OVOL1: variants seen among roughly 807,000 people sequenced by gnomAD.
OVOL1 encodes putative transcription factor Ovo-like 1.
A neutral mutation model predicts 21.5 loss-of-function variants in OVOL1; 10 were observed. The observed-to-expected ratio is 0.46, with a 90% confidence interval of 0.29 to 0.79. The LOEUF (loss-of-function observed/expected upper bound fraction) is 0.79. Ranked by LOEUF, OVOL1 falls within the 30% of genes least tolerant of loss-of-function variation. OVOL1 has a pLI of 0.10. For synonymous variants in OVOL1, 129 were observed against 150.3 expected (o/e 0.86, Z 1.03); for missense variants, 279 against 362.3 (o/e 0.77, Z 1.87).
In OVOL1 at chr11:65,795,396, T is replaced by TC; in HGVS notation, c.*58dup. ...AGCCCCAAGAGCATCCAGGATTGCCTCCCAGCTGCCTGGCCAGCCCACCCT... is the reference window on the plus strand; with the variant it reads ...AGCCCCAAGAGCATCCAGGATTGCCTCCCCAGCTGCCTGGCCAGCCCACCCT... On this transcript the variant is annotated 3_prime_UTR_variant, in exon 4 of 4. Transcript: ENST00000335987. This position sits in a 1 kb window ranked among gnomAD's most constrained non-coding sequence, Gnocchi z 5.7. 6.8e-7 allele frequency: 1 copy of TC among 1,480,592 alleles called. No homozygotes were observed. 91.7% of individuals were successfully genotyped at this position (1,480,592 alleles called of 1,614,324 possible). A position where few individuals can be genotyped will look rare whatever the true frequency, so the allele number is the denominator to read the frequency against.
chr11:65,791,434 T>C (rs757908182), intron 1 of OVOL1, among the ~76,000 whole-genome samples: 35 of 152,030 alleles, frequency 2.3e-4, no homozygotes, highest in Non-Finnish European at 4.4e-4. Flanking sequence ...CAGGAGGGGG[T>C]CATCCTTGCA....
chr11:65,792,376 G>C (rs1487695826), intron 1 of OVOL1: 1 of 152,272 alleles, frequency 6.6e-6, no homozygotes, highest in Non-Finnish European at 1.5e-5. Flanking sequence ...AGAGGTTCCT[G>C]TTTGTCTCCA....
rs1024955932 is a variant in OVOL1 at position 65,787,227 on chromosome 11, C to T, written c.-147C>T. The T allele has an allele frequency of 5.1e-6, 3 of 593,192 alleles. No homozygotes were observed. The East Asian group carries it at 1.1e-4, about 23-fold the overall frequency. 36.7% of individuals were successfully genotyped at this position (593,192 alleles called of 1,614,324 possible). ...GGAACCGCCGCGCGCCGTCCGGGCT[C>T]GGACCTTCCCCGGAACGTGGGGGCG... is the stretch of plus-strand genomic sequence containing the variant. On this transcript the variant is annotated 5_prime_UTR_variant, in exon 1 of 4. Transcript: ENST00000335987.
Position 65,795,771 on chromosome 11 carries a change from C to G in OVOL1, c.*430C>G. ...CCAGTGGACATCAGAGTCAAAAGCA[C>G]TGGCAAAGGGTACCCCTGCAAACAA... is the stretch of plus-strand genomic sequence containing the variant. On this transcript the variant is annotated 3_prime_UTR_variant, in exon 4 of 4. Coordinates refer to ENST00000335987, the MANE Select transcript of OVOL1 (RefSeq NM_004561.4). The surrounding 1 kb of genome is among the most constrained non-coding windows in gnomAD (Gnocchi z 5.7). 1 of 208,422 alleles carries G rather than the reference C, an allele frequency of 4.8e-6. No individual in the cohort carries two copies. Among genetic ancestry groups the G allele is most frequent in the South Asian group, 9.6e-5 (1 of 10,394 alleles). The allele number at this position is 208,422 out of a possible 1,614,324, so 12.9% of individuals were successfully genotyped here. A position where few individuals can be genotyped will look rare whatever the true frequency, so the allele number is the denominator to read the frequency against.
At chr11:65,787,593 A>C in intron 1 of OVOL1, 120 bp downstream of exon 1, 2 of 303,830 alleles carry the variant, frequency 6.6e-6, no homozygotes, top group Non-Finnish European at 5.0e-6. Flanking sequence ...CCGGGGCTGA[A>C]TGCGGCCGCG....
At position 65,794,077 on chromosome 11, in the gene OVOL1, C is replaced by G. The variant is rs766956836; in HGVS notation, c.147C>G (p.Pro49=). Residue 49 remains proline (P), a synonymous_variant, in exon 2 of 4, where the codon CCC becomes CCG. Coordinates refer to ENST00000335987, the MANE Select transcript of OVOL1 (RefSeq NM_004561.4). Reference sequence around the variant, plus strand: ...CACAGCCCTACCGGGAGCCGGAACCCTCTGTGGCCGAACCCCCTTCCTGCC... The same window carrying G: ...CACAGCCCTACCGGGAGCCGGAACCGTCTGTGGCCGAACCCCCTTCCTGCC... ...CPPQPYREPE[P]SVAEPPSCPL... 2 of 1,613,968 alleles carry G rather than the reference C, an allele frequency of 1.2e-6. No homozygotes were observed. The highest frequency in any genetic ancestry group is 2.7e-5 in the African/African-American group (2 of 74,946).
chr11:65,795,303 A>ACTGTCACTT lies in OVOL1; in HGVS notation c.768_776dup (p.Val257_Ser259dup), dbSNP rs765513913. On this transcript the variant is annotated inframe_insertion, in exon 4 of 4. Transcript: ENST00000335987. The surrounding 1 kb of genome is among the most constrained non-coding windows in gnomAD (Gnocchi z 5.7). The stretch of plus-strand genomic sequence containing the variant: ...GAAGGTGGCCGTGGCACTACAGAAC[A>ACTGTCACTT]CTGTCACTTCCCTGCTGCAGGGCAG... 2 of 1,611,208 alleles carry ACTGTCACTT rather than the reference A, an allele frequency of 1.2e-6. No individual in the cohort carries two copies. Among genetic ancestry groups the ACTGTCACTT allele is most frequent in the Middle Eastern group, 1.7e-4 (1 of 5,988 alleles).
intron 1 of OVOL1, among the ~76,000 whole-genome samples, chr11:65,792,606 C>G (rs1858042909): frequency 6.6e-6 from 1 of 152,208 alleles, no homozygotes; most frequent in African/African-American, 2.4e-5. Flanking sequence ...AATGCCAGCC[C>G]AGAGGCCAGG....
At position 65,795,027 on chromosome 11, in the gene OVOL1, G is replaced by T; in HGVS notation, c.509-19G>T. Reference sequence around the variant, plus strand: ...AGTCCCTGCCAGGTCTCTGATGCTGGCCCCTGTCCTCCCCACAGGCGTGCG... The same window carrying T: ...AGTCCCTGCCAGGTCTCTGATGCTGTCCCCTGTCCTCCCCACAGGCGTGCG... On this transcript the variant is annotated intron_variant, in intron 3 of 3. Coordinates refer to ENST00000335987, the MANE Select transcript of OVOL1 (RefSeq NM_004561.4). The surrounding 1 kb of genome is among the most constrained non-coding windows in gnomAD (Gnocchi z 5.7). 1 of 1,606,330 alleles carries T rather than the reference G, an allele frequency of 6.2e-7. No individual in the cohort carries two copies. Among genetic ancestry groups the T allele is most frequent in the Non-Finnish European group, 8.5e-7 (1 of 1,176,664 alleles).
intron 3 of OVOL1, 66 bp downstream of exon 3, chr11:65,794,793 G>C: frequency 6.7e-7 from 1 of 1,499,176 alleles, no homozygotes. Context: ...TGCGGGAAAA[G>C]TCCAGCACCC....
intron 3 of OVOL1, 140 bp downstream of exon 3, chr11:65,794,867 C>A: frequency 9.9e-7 from 1 of 1,014,702 alleles, no homozygotes; most frequent in Non-Finnish European, 1.5e-6. Context: ...CAAAGTCCTC[C>A]TGAGCTCATC....
At chr11:65,788,731 AC>A (rs1857952058) in intron 1 of OVOL1, 1 of 985,256 alleles carries the variant, frequency 1.0e-6, no homozygotes, top group Non-Finnish European at 1.2e-6. Context: ...TCTCAAGGGG[AC>A]CCCTCTTCCA....
At chr11:65,794,846 G>A in intron 3 of OVOL1, 119 bp downstream of exon 3, 1 of 1,127,396 alleles carries the variant, frequency 8.9e-7, no homozygotes, top group South Asian at 1.4e-5. Flanking sequence ...GGGCATCCCG[G>A]AGCTCAGGGC....
chr11:65,788,071 G>A (rs1857939320), intron 1 of OVOL1, among the ~76,000 whole-genome samples: 1 of 152,202 alleles, frequency 6.6e-6, no homozygotes, highest in Non-Finnish European at 1.5e-5. Context: ...GCAGTGAGCC[G>A]AGACGGTGGG....
intron 1 of OVOL1, chr11:65,789,356 G>C (rs1857963462): frequency 1.3e-5 from 2 of 153,408 alleles, no homozygotes; most frequent in Non-Finnish European, 2.9e-5. Flanking sequence ...TTCTCTGTAG[G>C]CTCCTCCAGG....
In OVOL1 at chr11:65,794,148, C is replaced by T. The variant is rs1858079068; in HGVS notation, c.218C>T (p.Ala73Val). 3 of 1,613,532 alleles carry T rather than the reference C, an allele frequency of 1.9e-6. No homozygotes were observed. The highest frequency in any genetic ancestry group is 1.1e-5 in the South Asian group (1 of 91,080). The part of the protein sequence containing the change: ...MSLRDSSYSM[A>V]PGPCVVAQLP... The stretch of plus-strand genomic sequence containing the variant: ...CTTCGAGACTCTAGCTACAGCATGG[C>T]CCCCGGGCCCTGTGTGGTGGCCCAG... Residue 73 changes from alanine (A) to valine (V), a missense_variant, in exon 2 of 4, where the codon GCC (alanine) becomes GTC (valine). Physicochemically the swap from Ala to Val is moderately conservative, Grantham distance 64 (BLOSUM62 0). Transcript: ENST00000335987.
intron 3 of OVOL1, 105 bp downstream of exon 3, chr11:65,794,832 G>A: frequency 8.1e-7 from 1 of 1,237,320 alleles, no homozygotes. Flanking sequence ...CGGGCAGCCT[G>A]GGAGGGCATC....
chr11:65,794,465 C>T, intron 2 of OVOL1, 73 bp from the exon 3 acceptor site: 12 of 1,432,638 alleles, frequency 8.4e-6, no homozygotes, highest in Non-Finnish European at 1.2e-5. Flanking sequence ...GGCTGGCATC[C>T]ACGTCTTCCC....
In OVOL1 at chr11:65,794,672, C is replaced by T. The variant is rs545994680; in HGVS notation, c.453C>T (p.Cys151=). Reference sequence around the variant, plus strand: ...TCAAGAGGCACCTCTGCACGTACTGCGGGAAGGGCTTCAATGACACCTTCG... The same window carrying T: ...TCAAGAGGCACCTCTGCACGTACTGTGGGAAGGGCTTCAATGACACCTTCG... ...NDVKRHLCTY[C]GKGFNDTFDL... The change falls in exon 3 of 4, where the codon TGC becomes TGT. Residue 151 remains cysteine, a synonymous_variant. Coordinates refer to ENST00000335987, the MANE Select transcript of OVOL1 (RefSeq NM_004561.4). 20 of 1,613,750 alleles carry T rather than the reference C, an allele frequency of 1.2e-5. No homozygotes were observed. The highest frequency in any genetic ancestry group is 3.3e-5 in the South Asian group (3 of 91,082).
Sources: gnomAD v4.1 joint callset for allele counts (sites outside exome capture counted in the v4.1 genomes callset) on GRCh38, gnomAD v4.1.1 for gene constraint, Gnocchi (gnomAD v3.1) non-coding constraint, MANE v1.5 for transcripts, NCBI Gene and HGNC (gene_info 2026-07-23, HGNC 2026-07-21) for gene names.